The following TNS1 variants were observed in gnomAD, a reference collection of about 807,000 sequenced individuals.
TNS1 encodes tensin 1, also known as tensin-1.
In TNS1, 62 loss-of-function variants were observed where a neutral mutation model predicts 168.6. That is an observed-to-expected ratio of 0.37 (90% CI 0.30 to 0.45). The LOEUF (loss-of-function observed/expected upper bound fraction) is 0.45, where lower values mean the gene tolerates loss of function less well. Ranked by LOEUF, TNS1 falls within the 20% of genes least tolerant of loss-of-function variation. The probability of loss-of-function intolerance (pLI) is 1.00; values close to 1 mark genes in which losing one functional copy is unlikely to be tolerated. For synonymous variants in TNS1, 934 were observed against 933.2 expected (o/e 1.00, Z -0.02); for missense variants, 2,240 against 2,339.4 (o/e 0.96, Z 0.88).
Position 217,818,555 on chromosome 2 carries a change from G to T in TNS1, c.3777C>A (p.Ser1259Arg). The T allele has an allele frequency of 6.2e-7, 1 of 1,614,214 alleles. No individual in the cohort carries two copies. The highest frequency in any genetic ancestry group is 8.5e-7 in the Non-Finnish European group (1 of 1,180,014). The change falls in exon 24 of 33, where the codon AGC becomes AGA. Residue 1259 changes from serine (S) to arginine (R), a missense_variant. Physicochemically the swap from Ser to Arg is moderately radical, Grantham distance 110. This residue lies in a region of TNS1 where 2,131 missense variants were observed against 2,171.2 expected (regional missense o/e 0.98). Transcript: ENST00000682258. ...SSPDYSLQHF[S>R]SSPESQARAQ... ...CTCGAGCCTGGCTTTCCGGAGAGGA[G>T]CTGAAATGCTGAAGTGAGTAGTCGG...
chr2:218,015,184 C>T (rs760005483), upstream of TNS1, among the ~76,000 whole-genome samples: 3 of 152,036 alleles, frequency 2.0e-5, no homozygotes, highest in Non-Finnish European at 4.4e-5. Flanking sequence ...CTGCCCCTGC[C>T]CCTGATTTAC....
intron 19 of TNS1, among the ~76,000 whole-genome samples, chr2:217,844,104 T>G (rs1266860464): frequency 6.6e-6 from 1 of 152,186 alleles, no homozygotes; most frequent in Non-Finnish European, 1.5e-5. Flanking sequence ...CAGAATCATT[T>G]TTGATGATCC....
At chr2:217,921,113 C>T (rs941204863) in intron 3 of TNS1, among the ~76,000 whole-genome samples, 2 of 152,060 alleles carry the variant, frequency 1.3e-5, no homozygotes, top group African/African-American at 2.4e-5. Flanking sequence ...GCCTGGCAGG[C>T]GAGCCATTAC....
rs111760415 is a variant in TNS1, at chr2:217,846,129, C to T, written c.3007+1381G>A. Among the ~76,000 whole-genome samples the T allele has an allele frequency of 2.4e-4, 37 of 152,282 alleles. No individual in the cohort carries two copies. The East Asian group carries it at 2.7e-3, about 11-fold the overall frequency. Reference sequence around the variant, plus strand: ...TGGACCACCCATGGAGCGTTTCATCCGAGGTTAAGAACTGCCCATCCTTTG... The same window carrying T: ...TGGACCACCCATGGAGCGTTTCATCTGAGGTTAAGAACTGCCCATCCTTTG... On this transcript the variant is annotated intron_variant, in intron 19 of 32. Transcript: ENST00000682258.
intron 11 of TNS1, among the ~76,000 whole-genome samples, chr2:217,891,888 A>G (rs989759041): frequency 6.6e-6 from 1 of 152,170 alleles, no homozygotes; most frequent in African/African-American, 2.4e-5. Context: ...TCTCTGTTCC[A>G]GTGTCACCTC....
chr2:218,011,028 C>T (rs926745117), upstream of TNS1, among the ~76,000 whole-genome samples: 11 of 152,136 alleles, frequency 7.2e-5, no homozygotes, highest in African/African-American at 2.4e-4. Flanking sequence ...ATCCAAAGAG[C>T]CCCCACAGGT....
At chr2:217,918,813 G>T in intron 4 of TNS1, among the ~76,000 whole-genome samples, 1 of 151,842 alleles carries the variant, frequency 6.6e-6, no homozygotes, top group African/African-American at 2.4e-5. Context: ...TTTCTTGCTG[G>T]CAGTTCCAAG....
rs1957166408 is a variant in TNS1 at position 217,948,422 on chromosome 2, G to T, written c.187-28186C>A. ...CTTCCCAAGATGTCCTGGGGCAGAGGCTATTCTGGGCCTCTGAATCCTGCT... is the reference window on the plus strand; with the variant it reads ...CTTCCCAAGATGTCCTGGGGCAGAGTCTATTCTGGGCCTCTGAATCCTGCT... On this transcript the variant is annotated intron_variant, in intron 3 of 32. Coordinates refer to ENST00000682258, the MANE Select transcript of TNS1 (RefSeq NM_001387777.1). This position sits in a 1 kb window ranked among gnomAD's most constrained non-coding sequence, Gnocchi z 4.1. Among the ~76,000 whole-genome samples the T allele has an allele frequency of 1.3e-5, 2 of 152,174 alleles. No individual in the cohort carries two copies. Among genetic ancestry groups the T allele is most frequent in the Non-Finnish European group, 2.9e-5 (2 of 68,016 alleles).
At position 217,948,374 on chromosome 2, in the gene TNS1, C is replaced by A. The variant is rs1158649366; in HGVS notation, c.187-28138G>T. Among the ~76,000 whole-genome samples the A allele has an allele frequency of 6.6e-6, 1 of 152,168 alleles. No homozygotes were observed. The highest frequency in any genetic ancestry group is 2.4e-5 in the African/African-American group (1 of 41,434). ...CATGCCCAGGTCCCAAGGGGAGAGG[C>A]CACTGGGGCACCGCTCTGCTTCCTT... On this transcript the variant is annotated intron_variant, in intron 3 of 32. Transcript: ENST00000682258. The surrounding 1 kb of genome is among the most constrained non-coding windows in gnomAD (Gnocchi z 4.1).
At chr2:218,020,324 G>T (rs1022225837) in intron 1 of TNS1, among the ~76,000 whole-genome samples, 1 of 152,008 alleles carries the variant, frequency 6.6e-6, no homozygotes, top group African/African-American at 2.4e-5. Flanking sequence ...CAAGGAAAGG[G>T]CCAACTCCTG....
At chr2:217,972,102 C>G (rs550686019) in intron 3 of TNS1, among the ~76,000 whole-genome samples, 6 of 152,178 alleles carry the variant, frequency 3.9e-5, no homozygotes, top group Non-Finnish European at 5.9e-5. Flanking sequence ...GAGTTTTGAG[C>G]TTAGCATTTT....
chr2:218,025,907 G>C (rs553637942), intron 1 of TNS1, among the ~76,000 whole-genome samples: 1 of 152,102 alleles, frequency 6.6e-6, no homozygotes, highest in East Asian at 1.9e-4. Flanking sequence ...AACTCCTCTC[G>C]GAGTGCAATG....
chr2:217,885,792 G>T lies in TNS1; in HGVS notation c.1068C>A (p.Ser356Arg). ...IYNIPGDSQT[S>R]VCITIEPGLL... ...GTCCTGGCTCGATGGTGATGCAGAC[G>T]CTAGTCTGGCTGTCTCCTGGGATGT... Residue 356 changes from serine (S) to arginine (R), a missense_variant, in exon 15 of 33, where the codon AGC (serine) becomes AGA (arginine). Physicochemically the swap from Ser to Arg is moderately radical, Grantham distance 110. Around this residue, in one of 2 missense-constraint regions of TNS1, gnomAD observed 2,131 missense variants for 2,171.2 expected, o/e 0.98. Transcript: ENST00000682258. 6.2e-7 allele frequency: 1 copy of T among 1,614,160 alleles called. No individual in the cohort carries two copies. The highest frequency in any genetic ancestry group is 8.5e-7 in the Non-Finnish European group (1 of 1,180,014).
At chr2:217,978,885 C>CCCGCAAT in intron 2 of TNS1, 83 bp from the exon 3 acceptor site, 1 of 697,748 alleles carries the variant, frequency 1.4e-6, no homozygotes, top group South Asian at 1.5e-5. Flanking sequence ...CCCACCCCAG[C>CCCGCAAT]CCGCAATCCG....
Position 217,804,492 on chromosome 2 carries a change from G to A in TNS1, c.5487C>T (p.Ser1829=). The A allele has an allele frequency of 6.2e-7, 1 of 1,614,164 alleles. No individual in the cohort carries two copies. ...QPASAIVNFV[S]KVMLNAGQKR ...TTTGGCCGGCATTCAGCATGACCTT[G>A]GAGACGAAGTTGACGATGGCAGAGG... The change falls in exon 33 of 33, where the codon TCC becomes TCT. Residue 1829 remains serine, a synonymous_variant. Transcript: ENST00000682258.
At chr2:217,825,066 G>T (rs145570019) in intron 22 of TNS1, among the ~76,000 whole-genome samples, 1 of 152,174 alleles carries the variant, frequency 6.6e-6, no homozygotes, top group Non-Finnish European at 1.5e-5. Context: ...ATTCCCTGAA[G>T]TTCAAGTTGA....
intron 1 of TNS1, chr2:218,010,038 C>T (rs1249390214): frequency 9.7e-5 from 17 of 174,710 alleles, no homozygotes; most frequent in Non-Finnish European, 1.3e-4. Context: ...GGGAGGGAAG[C>T]GTCTGGGAGG....
At chr2:217,829,888 G>A (rs901424276) in intron 22 of TNS1, 1 of 1,613,966 alleles carries the variant, frequency 6.2e-7, no homozygotes, top group Non-Finnish European at 8.5e-7. Flanking sequence ...TTCCTCTGAG[G>A]GAAGACGAGA....
chr2:217,992,165 C>A (rs909050141), intron 1 of TNS1, among the ~76,000 whole-genome samples: 1 of 152,174 alleles, frequency 6.6e-6, no homozygotes, highest in Non-Finnish European at 1.5e-5. Context: ...CAGAAAGCAT[C>A]CCCTGCCCCA....
Sources: allele counts gnomAD v4.1 joint callset (sites outside exome capture counted in the v4.1 genomes callset), GRCh38; gene constraint gnomAD v4.1.1; regional missense constraint gnomAD v4.1.1; non-coding constraint Gnocchi (gnomAD v3.1); transcripts MANE v1.5; gene names NCBI Gene and HGNC (gene_info 2026-07-23, HGNC 2026-07-21).